Variants in TMEM245 observed in about 807,000 individuals in gnomAD.
The protein encoded by TMEM245 is transmembrane protein 245.
In TMEM245, 69 loss-of-function variants were observed where a neutral mutation model predicts 101.2. That is an observed-to-expected ratio of 0.68 (90% CI 0.56 to 0.83). TMEM245 has a LOEUF of 0.83. Among genes scored for constraint, TMEM245 ranks in the 40% least tolerant of loss-of-function variants. The probability of loss-of-function intolerance (pLI) is 0.00; values close to 1 mark genes in which losing one functional copy is unlikely to be tolerated. For synonymous variants in TMEM245, 537 were observed against 449.8 expected (o/e 1.19, Z -2.45); for missense variants, 1,075 against 1,092.8 (o/e 0.98, Z 0.23).
At chr9:109,033,954 G>A (rs923377537) in intron 16 of TMEM245, among the ~76,000 whole-genome samples, 2 of 152,198 alleles carry the variant, frequency 1.3e-5, no homozygotes, top group Non-Finnish European at 2.9e-5. Context: ...TTACTCATAG[G>A]TCAGACTTTT....
At chr9:109,108,770 T>C (rs1830495488) in intron 1 of TMEM245, among the ~76,000 whole-genome samples, 200 bp from the exon 2 acceptor site, 1 of 152,168 alleles carries the variant, frequency 6.6e-6, no homozygotes, top group East Asian at 1.9e-4. Flanking sequence ...GCATTTGAAA[T>C]CTCATGTAGT....
rs1388060865 is a variant in TMEM245, at chr9:109,087,172, C to T, written c.1320+1G>A. The T allele has an allele frequency of 1.9e-6, 3 of 1,604,430 alleles. No individual in the cohort carries two copies. The highest frequency in any genetic ancestry group is 2.5e-6 in the Non-Finnish European group (3 of 1,177,402). ...CAGCCCAAGTCCTTAAAATACAATACCTTGCTATCAACTTTTAACAAGAAT... is the reference window on the plus strand; with the variant it reads ...CAGCCCAAGTCCTTAAAATACAATATCTTGCTATCAACTTTTAACAAGAAT... On this transcript the variant is annotated splice_donor_variant, in intron 6 of 17. Transcript: ENST00000374586. LOFTEE classifies it high-confidence loss of function.
In TMEM245 at chr9:109,112,935, G is replaced by A. The variant is rs564833579; in HGVS notation, c.580-4365C>T. On this transcript the variant is annotated intron_variant, in intron 1 of 17. Transcript: ENST00000374586. ...TACTAAAAATACAAAAATTAGCTGG[G>A]CATGGTGGCAGATGCCTGTAGTCCC... 3.9e-5 allele frequency among the ~76,000 whole-genome samples: 6 copies of A among 152,164 alleles called. No individual in the cohort carries two copies. The East Asian group carries it at 1.2e-3, about 30-fold the overall frequency.
intron 9 of TMEM245, among the ~76,000 whole-genome samples, chr9:109,067,702 C>T (rs1217611532): frequency 6.6e-6 from 1 of 152,164 alleles, no homozygotes; most frequent in African/African-American, 2.4e-5. Context: ...AGACAAGAAT[C>T]AGTATGTATA....
intron 17 of TMEM245, among the ~76,000 whole-genome samples, chr9:109,028,967 T>G (rs1827870757): frequency 6.6e-6 from 1 of 152,174 alleles, no homozygotes; most frequent in Non-Finnish European, 1.5e-5. Context: ...ACAGAAGCTG[T>G]ATCGTAAATG....
chr9:109,077,769 T>C (rs890427848), intron 8 of TMEM245, among the ~76,000 whole-genome samples: 7 of 152,216 alleles, frequency 4.6e-5, no homozygotes, highest in African/African-American at 1.7e-4. Flanking sequence ...ACAGTGTATG[T>C]TTTTTAATAT....
chr9:109,099,822 G>C (rs540781531), intron 3 of TMEM245, among the ~76,000 whole-genome samples: 1 of 152,282 alleles, frequency 6.6e-6, no homozygotes, highest in South Asian at 2.1e-4. Flanking sequence ...AGTATTAACA[G>C]GTGGGACCTT....
intron 1 of TMEM245, among the ~76,000 whole-genome samples, chr9:109,117,172 C>T (rs1348018684): frequency 1.3e-5 from 2 of 151,862 alleles, no homozygotes; most frequent in Non-Finnish European, 2.9e-5. Context: ...TGCAGTGGTG[C>T]AATCTTGGCT....
At chr9:109,024,860 C>T (rs1827748854) in intron 17 of TMEM245, among the ~76,000 whole-genome samples, 1 of 152,192 alleles carries the variant, frequency 6.6e-6, no homozygotes, top group Non-Finnish European at 1.5e-5. Flanking sequence ...TTAGCTTTAT[C>T]TTGAAGGCCA....
chr9:109,025,983 G>A (rs1187404865), intron 17 of TMEM245, among the ~76,000 whole-genome samples: 5 of 152,210 alleles, frequency 3.3e-5, no homozygotes, highest in Admixed American at 2.6e-4. Flanking sequence ...TTTTTTTGCA[G>A]TGTGGAATTA....
Position 109,050,278 on chromosome 9 carries a change from C to T in TMEM245, c.2123+5G>A. 1 of 1,613,800 alleles carries T rather than the reference C, an allele frequency of 6.2e-7. No homozygotes were observed. Among genetic ancestry groups the T allele is most frequent in the South Asian group, 1.1e-5 (1 of 91,038 alleles). On this transcript the variant is annotated splice_donor_5th_base_variant and intron_variant, in intron 14 of 17. Transcript: ENST00000374586. ...AAATAAGAATAGCATAAACCTTATCCCTACCTGATAGCTTCTTCCACAGAC... is the reference window on the plus strand; with the variant it reads ...AAATAAGAATAGCATAAACCTTATCTCTACCTGATAGCTTCTTCCACAGAC...
In TMEM245 at chr9:109,061,970, CATAA is replaced by C. The variant is rs201938658; in HGVS notation, c.1624-1522_1624-1519del. On this transcript the variant is annotated intron_variant, in intron 10 of 17. Transcript: ENST00000374586. ...ATGTTCATTGCAGGGTTACTTGTGA[CATAA>C]ATAAATGTACTGCAACCAAATAAAA... Among the ~76,000 whole-genome samples, 945 of 152,038 alleles carry C rather than the reference CATAA, an allele frequency of 6.2e-3. 39 individuals are homozygous for C. The highest frequency in any genetic ancestry group is 0.057 in the Admixed American group (877 of 15,278).
At chr9:109,045,418 A>G (rs1167162145) in intron 14 of TMEM245, among the ~76,000 whole-genome samples, 2 of 152,204 alleles carry the variant, frequency 1.3e-5, no homozygotes, top group Admixed American at 6.5e-5. Flanking sequence ...CCTCCAAAAC[A>G]GTGGTGAAAC....
At chr9:109,064,747 C>G (rs577778579) in intron 9 of TMEM245, among the ~76,000 whole-genome samples, 180 bp from the exon 10 acceptor site, 2 of 152,188 alleles carry the variant, frequency 1.3e-5, no homozygotes, top group South Asian at 4.1e-4. Context: ...CTCTAACATT[C>G]AGGATGTCCT....
intron 7 of TMEM245, among the ~76,000 whole-genome samples, chr9:109,082,107 GA>G (rs967198995): frequency 3.9e-5 from 6 of 152,080 alleles, no homozygotes; most frequent in African/African-American, 1.4e-4. Context: ...CAAAAGCAAA[GA>G]ATGTTGGTTA....
chr9:109,030,324 A>T (rs1588018373), intron 17 of TMEM245, among the ~76,000 whole-genome samples: 1 of 149,526 alleles, frequency 6.7e-6, no homozygotes, highest in Middle Eastern at 3.4e-3. Flanking sequence ...TTTGAAAGAC[A>T]AAGGCTATAT....
intron 3 of TMEM245, among the ~76,000 whole-genome samples, chr9:109,096,112 T>C (rs1189108602): frequency 6.6e-6 from 1 of 152,094 alleles, no homozygotes; most frequent in Non-Finnish European, 1.5e-5. Context: ...TATGGTTAGG[T>C]AGAGAATATA....
Position 109,060,452 on chromosome 9 carries a change from G to A in TMEM245, c.1624C>T (p.Leu542Phe). 2 of 1,607,170 alleles carry A rather than the reference G, an allele frequency of 1.2e-6. No homozygotes were observed. Among genetic ancestry groups the A allele is most frequent in the South Asian group, 2.2e-5 (2 of 90,048 alleles). The change falls in exon 11 of 18, where the codon CTC becomes TTC. Residue 542 changes from leucine to phenylalanine, a missense_variant and splice_region_variant. This residue lies in a region of TMEM245 where 808 missense variants were observed against 741.5 expected (regional missense o/e 1.09). Coordinates refer to ENST00000374586, the MANE Select transcript of TMEM245 (RefSeq NM_032012.4). ...ACCTTATCTCCTAGAATTTTATGGA[G>A]CTAGAAAAAAACACAGATACGACGT... ...QYGREWITHKLHKILGDKVNN... is the reference protein window; with the variant it reads ...QYGREWITHKFHKILGDKVNN...
chr9:109,068,529 C>T (rs995774551), intron 9 of TMEM245, among the ~76,000 whole-genome samples: 1 of 151,830 alleles, frequency 6.6e-6, no homozygotes, highest in Non-Finnish European at 1.5e-5. Context: ...ACTGTAATTC[C>T]GGCTACTTGG....
Sources: gnomAD v4.1 joint callset for allele counts (sites outside exome capture counted in the v4.1 genomes callset) on GRCh38, gnomAD v4.1.1 for gene constraint, gnomAD v4.1.1 regional missense constraint, MANE v1.5 for transcripts, NCBI Gene and HGNC (gene_info 2026-07-23, HGNC 2026-07-21) for gene names.